DGKD: variants seen among roughly 807,000 people sequenced by gnomAD.
DGKD encodes DAG kinase delta.
DGKD carries 68 observed loss-of-function variants against 154.4 expected under a neutral mutation model. The ratio of observed to expected loss-of-function variants is 0.44; its 90% CI spans 0.36 to 0.54. The LOEUF is 0.54. DGKD is among the 20% of genes least tolerant of loss of function. The pLI is 0.00. For synonymous variants in DGKD, 693 were observed against 638.0 expected, an observed-to-expected ratio of 1.09 and a Z score of -1.30; for missense variants, 1,343 against 1,593.6, an observed-to-expected ratio of 0.84 and a Z score of 2.68.
chr2:233,420,227 G>T (rs2062070598), intron 3 of DGKD, among the ~76,000 whole-genome samples: 2 of 152,166 alleles, frequency 1.3e-5, no homozygotes, highest in Admixed American at 1.3e-4. Context: ...TCTGGCTACT[G>T]GCATGGTTTC....
Position 233,449,526 on chromosome 2 carries a change from C to A in DGKD, c.1888+150C>A. ...CCATGTCCAGGCACCAGACCCCCAA[C>A]GAGTTCGCTTGCCCTCCTTCCACCC... On this transcript the variant is annotated intron_variant, in intron 15 of 29. Transcript: ENST00000264057. This position sits in a 1 kb window ranked among gnomAD's most constrained non-coding sequence, Gnocchi z 5.3. 8.7e-7 allele frequency: 1 copy of A among 1,146,876 alleles called. No homozygotes were observed. Among genetic ancestry groups the A allele is most frequent in the South Asian group, 1.6e-5 (1 of 61,858 alleles). The allele number at this position is 1,146,876 out of a possible 1,614,324, so 71.0% of individuals were successfully genotyped here. A position where few individuals can be genotyped will look rare whatever the true frequency, so the allele number is the denominator to read the frequency against.
At chr2:233,355,438 G>A (rs1701491968) in intron 1 of DGKD, among the ~76,000 whole-genome samples, 1 of 152,244 alleles carries the variant, frequency 6.6e-6, no homozygotes, top group Non-Finnish European at 1.5e-5. Context: ...TTAGAACACT[G>A]CTTCCTCAGG....
At chr2:233,360,004 TCTG>T (rs1395940378) in intron 1 of DGKD, among the ~76,000 whole-genome samples, 1 of 152,160 alleles carries the variant, frequency 6.6e-6, no homozygotes, top group East Asian at 1.9e-4. Flanking sequence ...AGCAGTGCCT[TCTG>T]CTTCTGGCAG....
At chr2:233,375,081 G>A (rs1017574147) in intron 1 of DGKD, among the ~76,000 whole-genome samples, 2 of 152,162 alleles carry the variant, frequency 1.3e-5, no homozygotes, top group Admixed American at 1.3e-4. Flanking sequence ...CCCGATGTCA[G>A]GAGTTCGAGA....
intron 9 of DGKD, among the ~76,000 whole-genome samples, chr2:233,439,336 G>A (rs978750605): frequency 1.3e-5 from 2 of 152,180 alleles, no homozygotes; most frequent in Admixed American, 6.5e-5. Flanking sequence ...TGTCCTTGGC[G>A]TACATGCCAG....
chr2:233,377,284 A>G (rs1163659749), intron 1 of DGKD, among the ~76,000 whole-genome samples: 2 of 152,052 alleles, frequency 1.3e-5, no homozygotes, highest in East Asian at 3.9e-4. Context: ...GAGTTTCACC[A>G]TGTTGGCCAG....
At chr2:233,422,989 A>C (rs2125551492) in intron 3 of DGKD, among the ~76,000 whole-genome samples, 1 of 152,314 alleles carries the variant, frequency 6.6e-6, no homozygotes, top group African/African-American at 2.4e-5. Flanking sequence ...TCTTTTCAAG[A>C]TGTGATATAA....
chr2:233,466,509 G>A (rs1035266619), intron 27 of DGKD, among the ~76,000 whole-genome samples: 3 of 152,122 alleles, frequency 2.0e-5, no homozygotes, highest in Non-Finnish European at 2.9e-5. Flanking sequence ...GCATCACAGA[G>A]TGAGGCAGTG....
At chr2:233,415,440 G>C (rs918275967) in intron 3 of DGKD, among the ~76,000 whole-genome samples, 1 of 152,156 alleles carries the variant, frequency 6.6e-6, no homozygotes, top group East Asian at 1.9e-4. Flanking sequence ...CTCCATTGCT[G>C]TCTCTAGCTG....
At chr2:233,413,580 A>C (rs1439073849) in intron 3 of DGKD, among the ~76,000 whole-genome samples, 1 of 152,190 alleles carries the variant, frequency 6.6e-6, no homozygotes, top group Non-Finnish European at 1.5e-5. Flanking sequence ...CATGCCTGGC[A>C]CCAAATAGCC....
rs1426927554 is a variant in DGKD, at chr2:233,457,787, A to T, written c.2580+459A>T. On this transcript the variant is annotated intron_variant, in intron 21 of 29. Transcript: ENST00000264057. This position sits in a 1 kb window ranked among gnomAD's most constrained non-coding sequence, Gnocchi z 5.5. ...GTGGGCAGCAGGGGCGTGGAGAGACAGGAGAGGGCTGCAGGGCCTGGGTCA... is the reference window on the plus strand; with the variant it reads ...GTGGGCAGCAGGGGCGTGGAGAGACTGGAGAGGGCTGCAGGGCCTGGGTCA... The T allele has an allele frequency of 2.8e-6, 1 of 355,798 alleles. No homozygotes were observed. The highest frequency in any genetic ancestry group is 2.1e-5 in the African/African-American group (1 of 46,868). The allele number at this position is 355,798 out of a possible 1,614,324, so 22.0% of individuals were successfully genotyped here.
At chr2:233,375,798 GTC>G (rs1198356306) in intron 1 of DGKD, among the ~76,000 whole-genome samples, 3 of 152,114 alleles carry the variant, frequency 2.0e-5, no homozygotes, top group African/African-American at 7.2e-5. Context: ...ATCAGCCTGT[GTC>G]TTTCTTGTTT....
At chr2:233,386,563 G>T (rs1703190710) in intron 1 of DGKD, among the ~76,000 whole-genome samples, 1 of 131,962 alleles carries the variant, frequency 7.6e-6, no homozygotes, top group African/African-American at 2.8e-5. Flanking sequence ...GGGGGTGGGG[G>T]TGGGGAGGTC....
At chr2:233,466,661 A>C (rs2124965893) in intron 27 of DGKD, among the ~76,000 whole-genome samples, 1 of 152,340 alleles carries the variant, frequency 6.6e-6, no homozygotes, top group Middle Eastern at 3.4e-3. Flanking sequence ...TCGCAAGGAA[A>C]GAATGCAAAG....
At chr2:233,446,616 A>G in intron 11 of DGKD, 96 bp from the exon 12 acceptor site, 2 of 1,276,808 alleles carry the variant, frequency 1.6e-6, no homozygotes, top group Non-Finnish European at 2.2e-6. Flanking sequence ...AACGGTGTAA[A>G]GATCAAGGCT....
At chr2:233,460,083 A>C in intron 23 of DGKD, 111 bp from the exon 24 acceptor site, 1 of 1,492,394 alleles carries the variant, frequency 6.7e-7, no homozygotes, top group Admixed American at 2.4e-5. Context: ...AAAAAAAAAA[A>C]GTCCTATTTG....
chr2:233,402,685 C>G (rs1328638753), intron 3 of DGKD, among the ~76,000 whole-genome samples: 1 of 152,202 alleles, frequency 6.6e-6, no homozygotes, highest in East Asian at 1.9e-4. Flanking sequence ...CCCCTGTGCT[C>G]TGTGTGTGCG....
chr2:233,384,510 C>T (rs1023034663), intron 1 of DGKD, among the ~76,000 whole-genome samples: 4 of 152,138 alleles, frequency 2.6e-5, no homozygotes, highest in African/African-American at 9.7e-5. Context: ...CACTGAACTC[C>T]CCTGACGTCC....
intron 1 of DGKD, among the ~76,000 whole-genome samples, chr2:233,360,160 C>G (rs1199656687): frequency 6.6e-6 from 1 of 152,214 alleles, no homozygotes; most frequent in Admixed American, 6.5e-5. Flanking sequence ...ACCTTGGAAT[C>G]TGTAGTGGCG....
Sources: allele counts gnomAD v4.1 joint callset (sites outside exome capture counted in the v4.1 genomes callset), GRCh38; gene constraint gnomAD v4.1.1; non-coding constraint Gnocchi (gnomAD v3.1); transcripts MANE v1.5; gene names NCBI Gene and HGNC (gene_info 2026-07-23, HGNC 2026-07-21).